TRAPPC9: variants seen among roughly 807,000 people sequenced by gnomAD.
TRAPPC9 encodes trafficking protein particle complex subunit 9, also known as IKK2 binding protein.
In TRAPPC9, 83 loss-of-function variants were observed where a neutral mutation model predicts 124.0. The ratio of observed to expected loss-of-function variants is 0.67; its 90% CI spans 0.56 to 0.80. The LOEUF (loss-of-function observed/expected upper bound fraction) is 0.80. Among genes scored for constraint, TRAPPC9 ranks in the 30% least tolerant of loss-of-function variants. The pLI, the probability that TRAPPC9 is intolerant of heterozygous loss-of-function variation, is 0.00. For synonymous variants in TRAPPC9, 638 were observed against 617.5 expected, an observed-to-expected ratio of 1.03 and a Z score of -0.49; for missense variants, 1,302 against 1,508.3, an observed-to-expected ratio of 0.86 and a Z score of 2.27.
intron 17 of TRAPPC9, among the ~76,000 whole-genome samples, chr8:140,161,232 A>C (rs1421961749): frequency 3.3e-5 from 5 of 151,826 alleles, no homozygotes; most frequent in African/African-American, 1.2e-4. Flanking sequence ...TACACACAAC[A>C]CTCGAGGTAA....
At chr8:139,836,992 T>C (rs1030211621) in intron 21 of TRAPPC9, among the ~76,000 whole-genome samples, 6 of 65,426 alleles carry the variant, frequency 9.2e-5, no homozygotes, top group African/African-American at 5.3e-4. Context: ...CCTAGCGATC[T>C]GGGTTCAAGT....
intron 16 of TRAPPC9, among the ~76,000 whole-genome samples, chr8:140,243,575 A>G (rs1006886945): frequency 4.6e-4 from 70 of 152,352 alleles, no homozygotes; most frequent in African/African-American, 1.6e-3. Context: ...TTCATGGGAT[A>G]AAATGGGCAC....
At chr8:139,989,770 T>C (rs938287452) in intron 18 of TRAPPC9, among the ~76,000 whole-genome samples, 3 of 152,144 alleles carry the variant, frequency 2.0e-5, no homozygotes, top group African/African-American at 7.2e-5. Flanking sequence ...GAGCTCCATG[T>C]ACAAAGTGGA....
At chr8:139,761,051 G>C (rs537532827) in intron 21 of TRAPPC9, among the ~76,000 whole-genome samples, 7 of 152,346 alleles carry the variant, frequency 4.6e-5, no homozygotes, top group Middle Eastern at 3.4e-3. Context: ...GTGCAGTACA[G>C]GCCTCCCTGG....
intron 15 of TRAPPC9, among the ~76,000 whole-genome samples, chr8:140,271,877 G>T (rs1019173842): frequency 2.0e-5 from 3 of 152,164 alleles, no homozygotes; most frequent in Admixed American, 6.5e-5. Flanking sequence ...CTACAAAGTG[G>T]TGGTGTCTGT....
In TRAPPC9 at chr8:140,209,896, A is replaced by C. The variant is rs149373196; in HGVS notation, c.2556+11563T>G. Among the ~76,000 whole-genome samples, 1,094 of 152,382 alleles carry C rather than the reference A, an allele frequency of 7.2e-3. 17 individuals carry two copies. Among genetic ancestry groups the C allele is most frequent in the African/African-American group, 0.024 (987 of 41,594 alleles). ...AAAGGGGCAGCAGGATATCACGGAA[A>C]CAGCGTGAACTTTGGATTCAGACAT... is the stretch of plus-strand genomic sequence containing the variant. On this transcript the variant is annotated intron_variant, in intron 17 of 22. Coordinates refer to ENST00000438773, the MANE Select transcript of TRAPPC9 (RefSeq NM_001160372.4).
At chr8:139,903,354 G>A (rs1159133132) in intron 20 of TRAPPC9, among the ~76,000 whole-genome samples, 2 of 152,282 alleles carry the variant, frequency 1.3e-5, no homozygotes, top group South Asian at 2.1e-4. Context: ...CTGGTGGGAA[G>A]AGATTGCTCA....
chr8:139,899,175 A>C (rs900771272), intron 20 of TRAPPC9, among the ~76,000 whole-genome samples: 2 of 151,310 alleles, frequency 1.3e-5, no homozygotes, highest in Non-Finnish European at 2.9e-5. Context: ...ACAAAAAAGG[A>C]TATTTAGTTG....
In TRAPPC9 at chr8:140,190,892, G is replaced by A. The variant is rs573618377; in HGVS notation, c.2556+30567C>T. ...AAGCAAACCTTTGGAGGACTACAGC[G>A]TGTTTTTGCTGCCACCAAACAGATG... On this transcript the variant is annotated intron_variant, in intron 17 of 22. Transcript: ENST00000438773. Among the ~76,000 whole-genome samples the A allele has an allele frequency of 5.9e-5, 9 of 152,192 alleles. No individual in the cohort carries two copies. In the East Asian group the frequency reaches 7.7e-4, roughly 13 times the overall value.
chr8:140,280,584 A>G (rs1296643983), intron 14 of TRAPPC9, among the ~76,000 whole-genome samples: 1 of 151,306 alleles, frequency 6.6e-6, no homozygotes, highest in African/African-American at 2.4e-5. Flanking sequence ...TCCTGCCACC[A>G]TGCCCAGCTA....
At position 140,114,747 on chromosome 8, in the gene TRAPPC9, C is replaced by T. The variant is rs1445497164; in HGVS notation, c.2557-90668G>A. Among the ~76,000 whole-genome samples the T allele has an allele frequency of 4.6e-5, 7 of 152,168 alleles. No homozygotes were observed. The South Asian group carries it at 8.3e-4, about 18-fold the overall frequency. Reference sequence around the variant, plus strand: ...AGCATATGGGAGCGGGAGGGAGAACCGCAAAGCCTCCTCGGAAACAGAAAA... The same window carrying T: ...AGCATATGGGAGCGGGAGGGAGAACTGCAAAGCCTCCTCGGAAACAGAAAA... On this transcript the variant is annotated intron_variant, in intron 17 of 22. Coordinates refer to ENST00000438773, the MANE Select transcript of TRAPPC9 (RefSeq NM_001160372.4).
intron 18 of TRAPPC9, among the ~76,000 whole-genome samples, chr8:139,995,603 G>A (rs1332293236): frequency 1.3e-5 from 2 of 152,096 alleles, no homozygotes; most frequent in Admixed American, 6.5e-5. Flanking sequence ...CAGGCACATA[G>A]GGATAAGAGC....
At chr8:139,731,501 G>A (rs1021536329) in intron 22 of TRAPPC9, among the ~76,000 whole-genome samples, 4 of 152,208 alleles carry the variant, frequency 2.6e-5, no homozygotes, top group African/African-American at 9.7e-5. Context: ...GGGAGTGAGG[G>A]AGAGGTTGGG....
intron 17 of TRAPPC9, among the ~76,000 whole-genome samples, chr8:140,201,350 G>A (rs80106431): frequency 0.019 from 2,829 of 152,298 alleles, 78 homozygotes; most frequent in African/African-American, 0.064. Context: ...AAGGTCTCCC[G>A]TCCTATATTT....
chr8:140,340,101 C>T (rs1427504600), intron 9 of TRAPPC9, among the ~76,000 whole-genome samples: 5 of 152,222 alleles, frequency 3.3e-5, no homozygotes. Flanking sequence ...CCCACCTCAG[C>T]CTCCCAAAGT....
Position 140,257,895 on chromosome 8 carries a change from A to T in TRAPPC9, c.2279-4966T>A, listed in dbSNP as rs1448173151. On this transcript the variant is annotated intron_variant, in intron 15 of 22. Coordinates refer to ENST00000438773, the MANE Select transcript of TRAPPC9 (RefSeq NM_001160372.4). The surrounding 1 kb of genome is among the most constrained non-coding windows in gnomAD (Gnocchi z 4.6). The stretch of plus-strand genomic sequence containing the variant: ...CTTTCTGTTTGTAGCTCTCACTGGG[A>T]TGTGCATGTGAGGAGAACTGCATCA... 2.0e-5 allele frequency among the ~76,000 whole-genome samples: 3 copies of T among 152,166 alleles called. No homozygotes were observed. The highest frequency in any genetic ancestry group is 4.4e-5 in the Non-Finnish European group (3 of 68,030).
intron 18 of TRAPPC9, among the ~76,000 whole-genome samples, chr8:139,993,833 C>T (rs933775739): frequency 6.6e-6 from 1 of 151,918 alleles, no homozygotes; most frequent in Non-Finnish European, 1.5e-5. Context: ...TTAAAATACT[C>T]GATATTATCT....
intron 17 of TRAPPC9, among the ~76,000 whole-genome samples, chr8:140,181,313 T>G (rs1477270896): frequency 1.3e-5 from 2 of 152,228 alleles, no homozygotes; most frequent in Non-Finnish European, 2.9e-5. Context: ...CAGGATGGAC[T>G]GCAGTGGTGT....
intron 2 of TRAPPC9, among the ~76,000 whole-genome samples, chr8:140,442,827 G>A (rs991222164): frequency 7.9e-5 from 12 of 151,906 alleles, no homozygotes; most frequent in Non-Finnish European, 1.5e-4. Flanking sequence ...GTCGGGGATG[G>A]TATTACACAG....
Sources: gnomAD v4.1 joint callset for allele counts (sites outside exome capture counted in the v4.1 genomes callset) on GRCh38, gnomAD v4.1.1 for gene constraint, Gnocchi (gnomAD v3.1) non-coding constraint, MANE v1.5 for transcripts, NCBI Gene and HGNC (gene_info 2026-07-23, HGNC 2026-07-21) for gene names.